Variants in SCN8A observed in about 807,000 individuals in gnomAD.
SCN8A encodes sodium voltage-gated channel alpha subunit 8.
SCN8A carries 30 observed loss-of-function variants against 184.1 expected under a neutral mutation model. That is an observed-to-expected ratio of 0.16 (90% CI 0.12 to 0.22). The LOEUF (loss-of-function observed/expected upper bound fraction) is 0.22. SCN8A is among the 10% of genes least tolerant of loss of function. The pLI is 1.00. For missense variants in SCN8A, 1,057 were observed against 2,498.9 expected, an observed-to-expected ratio of 0.42 and a Z score of 12.30; for synonymous variants, 852 against 907.0, an observed-to-expected ratio of 0.94 and a Z score of 1.09.
chr12:51,663,957 T>C lies in SCN8A; in HGVS notation c.276+864T>C, dbSNP rs185907359. ...TGGAGTCTTGCTCTGTCGCCCAGGCTGGAGTGCAGTGGCGTGATCTCAGCT... is the reference window on the plus strand; with the variant it reads ...TGGAGTCTTGCTCTGTCGCCCAGGCCGGAGTGCAGTGGCGTGATCTCAGCT... On this transcript the variant is annotated intron_variant, in intron 2 of 26. Coordinates refer to ENST00000627620, the MANE Select transcript of SCN8A (RefSeq NM_001330260.2). Among the ~76,000 whole-genome samples, 432 of 119,954 alleles carry C rather than the reference T, an allele frequency of 3.6e-3. 4 individuals carry two copies. The highest frequency in any genetic ancestry group is 0.012 in the African/African-American group (406 of 34,068). 78.7% of individuals were successfully genotyped at this position (119,954 alleles called of 152,430 possible).
At chr12:51,764,538 G>A (rs1942808227) in intron 15 of SCN8A, among the ~76,000 whole-genome samples, 1 of 152,048 alleles carries the variant, frequency 6.6e-6, no homozygotes, top group Admixed American at 6.5e-5. Context: ...GGGAGGCTGA[G>A]GCAGGAGAAT....
intron 11 of SCN8A, among the ~76,000 whole-genome samples, chr12:51,711,858 G>A (rs141646139): frequency 2.6e-5 from 4 of 151,884 alleles, no homozygotes; most frequent in African/African-American, 4.8e-5. Flanking sequence ...TTCTCTCCAC[G>A]TCAGTACCCA....
intron 1 of SCN8A, among the ~76,000 whole-genome samples, chr12:51,628,424 G>A (rs1940126262): frequency 6.6e-6 from 1 of 152,180 alleles, no homozygotes; most frequent in Non-Finnish European, 1.5e-5. Context: ...TATAATCCAT[G>A]TAGAGTGTCA....
intron 11 of SCN8A, among the ~76,000 whole-genome samples, chr12:51,714,484 C>T (rs1941933737): frequency 1.3e-5 from 2 of 152,186 alleles, no homozygotes; most frequent in South Asian, 4.1e-4. Flanking sequence ...CTCACAGTGT[C>T]ACTGTGTGCT....
At chr12:51,699,431 C>T in intron 6 of SCN8A, 139 bp from the exon 7 acceptor site, 2 of 554,512 alleles carry the variant, frequency 3.6e-6, no homozygotes, top group Non-Finnish European at 6.4e-6. Flanking sequence ...TATTATTATT[C>T]TCATGGCATA....
intron 12 of SCN8A, among the ~76,000 whole-genome samples, chr12:51,735,525 C>A (rs140089828): frequency 2.6e-5 from 4 of 152,002 alleles, no homozygotes; most frequent in African/African-American, 9.7e-5. Context: ...GCATTATTAC[C>A]GGCCCTTATT....
chr12:51,706,910 T>C (rs1941795145), intron 11 of SCN8A, among the ~76,000 whole-genome samples, 195 bp downstream of exon 11: 1 of 152,154 alleles, frequency 6.6e-6, no homozygotes, highest in Admixed American at 6.5e-5. Context: ...CAGTCTACTC[T>C]CTACCTTCAA....
intron 7 of SCN8A, among the ~76,000 whole-genome samples, chr12:51,700,398 T>C (rs1312929716): frequency 6.6e-6 from 1 of 152,180 alleles, no homozygotes; most frequent in Non-Finnish European, 1.5e-5. Flanking sequence ...CTGAGTTACT[T>C]GGGATATTTA....
At chr12:51,772,844 T>C (rs368544421) in intron 19 of SCN8A, among the ~76,000 whole-genome samples, 94 of 138,608 alleles carry the variant, frequency 6.8e-4, no homozygotes, top group African/African-American at 2.4e-3. Flanking sequence ...TAACCGGGCA[T>C]GGTGTCTCAC....
At chr12:51,763,139 A>C (rs1942786502) in intron 15 of SCN8A, among the ~76,000 whole-genome samples, 2 of 152,218 alleles carry the variant, frequency 1.3e-5, no homozygotes, top group African/African-American at 4.8e-5. Flanking sequence ...CCAAAAAATG[A>C]GAATAAAATA....
In SCN8A at chr12:51,614,231, T is replaced by G. The variant is rs149659345; in HGVS notation, c.-55+22872T>G. On this transcript the variant is annotated intron_variant, in intron 1 of 26. Coordinates refer to ENST00000627620, the MANE Select transcript of SCN8A (RefSeq NM_001330260.2). ...GATTTGTCCATTTTATCCTTAGTTT[T>G]GTTAGTTTTTATTTTGTATATTTGA... Among the ~76,000 whole-genome samples, 547 of 152,232 alleles carry G rather than the reference T, an allele frequency of 3.6e-3. 4 individuals are homozygous for G. The highest frequency in any genetic ancestry group is 0.012 in the African/African-American group (513 of 41,572).
intron 11 of SCN8A, among the ~76,000 whole-genome samples, chr12:51,717,198 G>A (rs1455698776): frequency 6.6e-6 from 1 of 152,160 alleles, no homozygotes; most frequent in Non-Finnish European, 1.5e-5. Flanking sequence ...AAAGGCAGTT[G>A]CCTCTGTGTC....
intron 12 of SCN8A, among the ~76,000 whole-genome samples, chr12:51,739,686 A>G (rs1372121246): frequency 6.6e-6 from 1 of 152,076 alleles, no homozygotes; most frequent in Non-Finnish European, 1.5e-5. Flanking sequence ...TCCTCCAGCT[A>G]GTTTTCTGTT....
At chr12:51,618,060 C>G (rs941987061) in intron 1 of SCN8A, among the ~76,000 whole-genome samples, 1 of 152,152 alleles carries the variant, frequency 6.6e-6, no homozygotes, top group Admixed American at 6.5e-5. Flanking sequence ...GTTTCCCATC[C>G]TGCTACCCTG....
intron 1 of SCN8A, among the ~76,000 whole-genome samples, chr12:51,614,082 A>G (rs893157919): frequency 4.6e-5 from 7 of 151,958 alleles, no homozygotes; most frequent in Admixed American, 2.0e-4. Context: ...GGTGGTGTTT[A>G]GTTTCTCTGT....
chr12:51,784,927 G>C (rs1308348657), intron 21 of SCN8A, among the ~76,000 whole-genome samples: 1 of 152,118 alleles, frequency 6.6e-6, no homozygotes, highest in African/African-American at 2.4e-5. Context: ...CAAGTCTTTG[G>C]GGCCTACTTC....
chr12:51,657,211 A>G (rs1330401055), intron 1 of SCN8A, among the ~76,000 whole-genome samples: 3 of 152,118 alleles, frequency 2.0e-5, no homozygotes, highest in South Asian at 4.1e-4. Flanking sequence ...TATGTGGTAC[A>G]GTGTGATATT....
At chr12:51,641,265 A>T (rs547799688) in intron 1 of SCN8A, among the ~76,000 whole-genome samples, 21 of 152,362 alleles carry the variant, frequency 1.4e-4, no homozygotes, top group African/African-American at 4.8e-4. Context: ...TTTACATAAG[A>T]GACTTGAGCA....
intron 12 of SCN8A, 52 bp from the exon 13 acceptor site, chr12:51,745,851 A>T (rs1592140150): frequency 1.1e-5 from 16 of 1,451,052 alleles, no homozygotes; most frequent in Non-Finnish European, 1.5e-5. Context: ...GCCCAGATTT[A>T]CCTTTATAGA....
Sources: allele counts gnomAD v4.1 joint callset (sites outside exome capture counted in the v4.1 genomes callset), GRCh38; gene constraint gnomAD v4.1.1; transcripts MANE v1.5; gene names NCBI Gene and HGNC (gene_info 2026-07-23, HGNC 2026-07-21).